Variants in TMEM132D observed in about 807,000 individuals in gnomAD.
TMEM132D encodes transmembrane protein 132D.
Under a neutral mutation model 62.3 loss-of-function variants are expected in TMEM132D, and 21 were observed. That is an observed-to-expected ratio of 0.34 (90% confidence interval 0.24 to 0.49). The LOEUF is 0.49. TMEM132D is among the 20% of genes least tolerant of loss of function. The pLI is 0.99. For missense variants in TMEM132D, 1,346 were observed against 1,402.8 expected, an observed-to-expected ratio of 0.96 and a Z score of 0.65; for synonymous variants, 621 against 575.6, an observed-to-expected ratio of 1.08 and a Z score of -1.13.
intron 1 of TMEM132D, among the ~76,000 whole-genome samples, chr12:129,796,460 G>C (rs977991072): frequency 2.0e-5 from 3 of 152,102 alleles, no homozygotes; most frequent in Non-Finnish European, 4.4e-5. Context: ...AGGTTCAGGG[G>C]TACATGTGAA....
At chr12:129,768,727 G>T (rs921806826) in intron 1 of TMEM132D, among the ~76,000 whole-genome samples, 1 of 152,146 alleles carries the variant, frequency 6.6e-6, no homozygotes. Flanking sequence ...CAGCTCTGCC[G>T]ATGCTGGCAA....
chr12:129,778,938 G>A (rs1422319770), intron 1 of TMEM132D, among the ~76,000 whole-genome samples: 1 of 152,208 alleles, frequency 6.6e-6, no homozygotes, highest in Non-Finnish European at 1.5e-5. Flanking sequence ...TAAAGGCTAT[G>A]TGAGCAAAAC....
chr12:129,778,983 C>G (rs1430009339), intron 1 of TMEM132D, among the ~76,000 whole-genome samples: 1 of 152,212 alleles, frequency 6.6e-6, no homozygotes, highest in East Asian at 1.9e-4. Context: ...AAGTTTCTTT[C>G]TCTCTCACGT....
chr12:129,332,570 G>A (rs1869143811), intron 4 of TMEM132D, among the ~76,000 whole-genome samples: 3 of 152,232 alleles, frequency 2.0e-5, no homozygotes, highest in African/African-American at 4.8e-5. Context: ...TTTGAAGACT[G>A]TTGATCTACT....
chr12:129,460,784 G>C, intron 3 of TMEM132D, among the ~76,000 whole-genome samples: 1 of 152,162 alleles, frequency 6.6e-6, no homozygotes. Context: ...TAGTCCTTAT[G>C]CAATTCAGTT....
chr12:129,486,876 G>T (rs1874596714), intron 3 of TMEM132D, among the ~76,000 whole-genome samples: 1 of 151,392 alleles, frequency 6.6e-6, no homozygotes, highest in African/African-American at 2.4e-5. Flanking sequence ...AAACAGCCTT[G>T]AACAAAAAAA....
intron 2 of TMEM132D, among the ~76,000 whole-genome samples, chr12:129,579,985 G>C (rs1042129723): frequency 2.6e-5 from 4 of 152,158 alleles, no homozygotes; most frequent in Non-Finnish European, 5.9e-5. Context: ...CAAGAGCAGA[G>C]GAAGAGGGAC....
Position 129,075,009 on chromosome 12 carries a change from G to C in TMEM132D, c.2166C>G (p.Pro722=), listed in dbSNP as rs772601498. ...AGTCTTTCCCATCGTAAATATCCAA[G>C]GGCGTGACTGAGCCATCACTGAACT... ...WVQFSDGSVT[P]LDIYDGKDFS... Residue 722 remains proline (P), a synonymous_variant, in exon 9 of 9, where the codon CCC becomes CCG. Coordinates refer to ENST00000422113, the MANE Select transcript of TMEM132D (RefSeq NM_133448.3). 1 of 1,613,436 alleles carries C rather than the reference G, an allele frequency of 6.2e-7. No individual in the cohort carries two copies. Among genetic ancestry groups the C allele is most frequent in the Non-Finnish European group, 8.5e-7 (1 of 1,180,006 alleles).
At chr12:129,176,001 A>C (rs768583123) in intron 5 of TMEM132D, among the ~76,000 whole-genome samples, 2 of 152,182 alleles carry the variant, frequency 1.3e-5, no homozygotes, top group Non-Finnish European at 2.9e-5. Flanking sequence ...GAGTAATTCC[A>C]ACATATGTGT....
intron 3 of TMEM132D, among the ~76,000 whole-genome samples, chr12:129,406,624 A>C (rs982675252): frequency 6.6e-6 from 1 of 151,974 alleles, no homozygotes; most frequent in Non-Finnish European, 1.5e-5. Context: ...CACCTCAAAA[A>C]AAAAAAAAAA....
chr12:129,198,712 A>G (rs1878611183), intron 5 of TMEM132D, among the ~76,000 whole-genome samples: 1 of 152,232 alleles, frequency 6.6e-6, no homozygotes, highest in African/African-American at 2.4e-5. Flanking sequence ...TTAAAAATCT[A>G]TCTCACAGTG....
chr12:129,566,606 C>T (rs903529436), intron 2 of TMEM132D, among the ~76,000 whole-genome samples: 2 of 152,142 alleles, frequency 1.3e-5, no homozygotes, highest in East Asian at 3.9e-4. Flanking sequence ...ATTTTACCCA[C>T]TAATATATTT....
At chr12:129,740,482 ATAT>A (rs145725465) in intron 1 of TMEM132D, among the ~76,000 whole-genome samples, 1,985 of 152,272 alleles carry the variant, frequency 0.013, 18 homozygotes, top group Non-Finnish European at 0.018. Flanking sequence ...TATGCTGCAA[ATAT>A]TATTCTTCTC....
intron 4 of TMEM132D, chr12:129,212,282 C>G (rs1339868608): frequency 6.6e-6 from 1 of 152,230 alleles, no homozygotes; most frequent in African/African-American, 2.4e-5. Context: ...CTCTGAATAG[C>G]ATACGTGTTT....
In TMEM132D at chr12:129,401,377, G is replaced by A. The variant is rs1322368236; in HGVS notation, c.1116-63560C>T. On this transcript the variant is annotated intron_variant, in intron 3 of 8. Coordinates refer to ENST00000422113, the MANE Select transcript of TMEM132D (RefSeq NM_133448.3). ...AGGCCAGGAGTTTGAGACCAGCCTGGACAATATAGTGAGACTTCATCCCTA... is the reference window on the plus strand; with the variant it reads ...AGGCCAGGAGTTTGAGACCAGCCTGAACAATATAGTGAGACTTCATCCCTA... 2.0e-5 allele frequency among the ~76,000 whole-genome samples: 3 copies of A among 152,058 alleles called. No individual in the cohort carries two copies. The East Asian group carries it at 5.8e-4, about 29-fold the overall frequency.
intron 2 of TMEM132D, among the ~76,000 whole-genome samples, chr12:129,644,482 G>A (rs916366348): frequency 2.6e-5 from 4 of 152,062 alleles, no homozygotes; most frequent in African/African-American, 7.2e-5. Flanking sequence ...TGGGAAGGCC[G>A]TTACCATGGG....
chr12:129,828,774 GGAAGAAAA>G lies in TMEM132D; in HGVS notation c.79+74479_79+74486del, dbSNP rs1246470053. Reference sequence around the variant, plus strand: ...AGGGAGGAAAGGAGGGAGGGAGGGAGGAAGAAAAGGAGGGAGGGAGGGAGGGAGGAAAG... The same window carrying G: ...AGGGAGGAAAGGAGGGAGGGAGGGAGGGAGGGAGGGAGGGAGGGAGGAAAG... On this transcript the variant is annotated intron_variant, in intron 1 of 8. Transcript: ENST00000422113. Among the ~76,000 whole-genome samples the G allele has an allele frequency of 1.4e-3, 122 of 86,792 alleles. 3 individuals are homozygous for G. Among genetic ancestry groups the G allele is most frequent in the Admixed American group, 2.1e-3 (17 of 8,096 alleles). The allele number at this position is 86,792 out of a possible 152,430, so 56.9% of individuals were successfully genotyped here. A position where few individuals can be genotyped will look rare whatever the true frequency, so the allele number is the denominator to read the frequency against.
At chr12:129,440,776 A>G (rs1872915405) in intron 3 of TMEM132D, among the ~76,000 whole-genome samples, 1 of 151,380 alleles carries the variant, frequency 6.6e-6, no homozygotes, top group Admixed American at 6.6e-5. Flanking sequence ...GGATGTATAG[A>G]GAGTTCTACA....
intron 2 of TMEM132D, among the ~76,000 whole-genome samples, chr12:129,532,269 G>A (rs1876250672): frequency 6.6e-6 from 1 of 152,148 alleles, no homozygotes; most frequent in South Asian, 2.1e-4. Context: ...AGACGAGGAT[G>A]GTGGGAGCGG....
Sources: gnomAD v4.1 joint callset for allele counts (sites outside exome capture counted in the v4.1 genomes callset) on GRCh38, gnomAD v4.1.1 for gene constraint, MANE v1.5 for transcripts, NCBI Gene and HGNC (gene_info 2026-07-23, HGNC 2026-07-21) for gene names.